SPTA1: variants seen among roughly 807,000 people sequenced by gnomAD.
SPTA1 encodes the protein spectrin alpha chain, erythrocytic 1.
Under a neutral mutation model 324.7 loss-of-function variants are expected in SPTA1, and 177 were observed. That is an observed-to-expected ratio of 0.55 (90% confidence interval 0.48 to 0.62). The LOEUF (loss-of-function observed/expected upper bound fraction) is 0.62, where lower values mean the gene tolerates loss of function less well. Among genes scored for constraint, SPTA1 ranks in the 20% least tolerant of loss-of-function variants. The pLI is 0.00. For synonymous variants in SPTA1, 1,195 were observed against 1,041.3 expected (o/e 1.15, Z -2.84); for missense variants, 3,162 against 2,883.6 (o/e 1.10, Z -2.21).
intron 39 of SPTA1, among the ~76,000 whole-genome samples, chr1:158,629,143 T>C (rs925275095): frequency 6.6e-6 from 1 of 151,046 alleles, no homozygotes; most frequent in East Asian, 1.9e-4. Flanking sequence ...AGATGATAGA[T>C]AGATAGATAG....
intron 23 of SPTA1, 116 bp from the exon 24 acceptor site, chr1:158,651,584 A>G: frequency 2.6e-6 from 2 of 761,624 alleles, no homozygotes; most frequent in Non-Finnish European, 4.8e-6. Flanking sequence ...ACCGTAATAC[A>G]CACCAAGCTC....
In SPTA1 at chr1:158,642,941, C is replaced by T. The variant is rs544007770; in HGVS notation, c.4478G>A (p.Arg1493Gln). 9.3e-6 allele frequency: 15 copies of T among 1,613,626 alleles called. No homozygotes were observed. Among genetic ancestry groups the T allele is most frequent in the Non-Finnish European group, 1.2e-5 (14 of 1,179,756 alleles). ...GTTGGCATAGTCTCCAAGCTTTGTCCGCTCATCAATCAGTTGTGCTTTGAG... is the reference window on the plus strand; with the variant it reads ...GTTGGCATAGTCTCCAAGCTTTGTCTGCTCATCAATCAGTTGTGCTTTGAG... ...KALKAQLIDE[R>Q]TKLGDYANLK... The change falls in exon 32 of 52, where the codon CGG becomes CAG. Residue 1493 changes from arginine to glutamine, a missense_variant. By Grantham distance (43) the Arg-to-Gln change is conservative. Coordinates refer to ENST00000643759, the MANE Select transcript of SPTA1 (RefSeq NM_003126.4).
At chr1:158,683,206 C>A (rs1371952863) in intron 3 of SPTA1, among the ~76,000 whole-genome samples, 165 bp downstream of exon 3, 1 of 152,092 alleles carries the variant, frequency 6.6e-6, no homozygotes, top group Non-Finnish European at 1.5e-5. Context: ...CCCCAAGAAA[C>A]ACGAAGATAT....
chr1:158,636,456 A>C (rs1651076166), intron 37 of SPTA1, among the ~76,000 whole-genome samples, 185 bp downstream of exon 37: 1 of 152,214 alleles, frequency 6.6e-6, no homozygotes, highest in Admixed American at 6.5e-5. Flanking sequence ...GTTCTTGTTC[A>C]GAACTCTTCT....
intron 39 of SPTA1, 91 bp downstream of exon 39, chr1:158,634,452 A>G: frequency 7.8e-6 from 12 of 1,537,894 alleles, no homozygotes; most frequent in Middle Eastern, 3.4e-4. Context: ...CACCAGAAAA[A>G]TGTCCTAATA....
chr1:158,648,040 G>A (rs1219419333), intron 26 of SPTA1, among the ~76,000 whole-genome samples: 1 of 152,100 alleles, frequency 6.6e-6, no homozygotes, highest in East Asian at 1.9e-4. Context: ...TTTTTGCTCT[G>A]CATGATAATG....
At chr1:158,682,491 T>C (rs575074214) in intron 3 of SPTA1, among the ~76,000 whole-genome samples, 2 of 152,340 alleles carry the variant, frequency 1.3e-5, no homozygotes, top group South Asian at 4.1e-4. Context: ...AAACAAGTTT[T>C]GAAATTTTCC....
Position 158,611,064 on chromosome 1 carries a change from C to T in SPTA1, c.*200G>A, listed in dbSNP as rs1049133463. The stretch of plus-strand genomic sequence containing the variant: ...CTTCCACTCCTCCAACTCTATTAAC[C>T]TTTCTATCTCCCACCCTTGAGATTT... On this transcript the variant is annotated 3_prime_UTR_variant, in exon 52 of 52. Coordinates refer to ENST00000643759, the MANE Select transcript of SPTA1 (RefSeq NM_003126.4). 29 of 689,938 alleles carry T rather than the reference C, an allele frequency of 4.2e-5. No homozygotes were observed. In the Admixed American group the frequency reaches 6.7e-4, roughly 16 times the overall value. 42.7% of individuals were successfully genotyped at this position (689,938 alleles called of 1,614,324 possible). A position where few individuals can be genotyped will look rare whatever the true frequency, so the allele number is the denominator to read the frequency against.
At chr1:158,635,732 C>T (rs188592994) in intron 38 of SPTA1, among the ~76,000 whole-genome samples, 181 bp downstream of exon 38, 24 of 152,260 alleles carry the variant, frequency 1.6e-4, no homozygotes, top group Non-Finnish European at 2.4e-4. Context: ...CAGTGATCAT[C>T]GTGTCTGGGG....
chr1:158,672,229 A>G (rs753280235), intron 10 of SPTA1, 33 bp from the exon 11 acceptor site: 32 of 1,580,910 alleles, frequency 2.0e-5, no homozygotes, highest in Admixed American at 5.2e-5. Flanking sequence ...TATATGGAAG[A>G]TAATTAATTT....
chr1:158,648,788 CATT>C (rs1334468075), intron 25 of SPTA1, 135 bp from the exon 26 acceptor site: 2 of 920,416 alleles, frequency 2.2e-6, no homozygotes, highest in Non-Finnish European at 3.3e-6. Context: ...CAATTATCAT[CATT>C]GTTTTTTATG....
chr1:158,669,873 A>G, intron 12 of SPTA1, 87 bp from the exon 13 acceptor site: 1 of 1,300,558 alleles, frequency 7.7e-7, no homozygotes, highest in Non-Finnish European at 1.1e-6. Flanking sequence ...TTAAAGATGA[A>G]GAACAGCAAT....
At chr1:158,626,603 C>T (rs374759406) in intron 41 of SPTA1, among the ~76,000 whole-genome samples, 10 of 152,196 alleles carry the variant, frequency 6.6e-5, no homozygotes, top group East Asian at 5.8e-4. Context: ...TCTGGAGTTA[C>T]GGTACATAAT....
intron 31 of SPTA1, 144 bp downstream of exon 31, chr1:158,643,178 G>T: frequency 8.2e-7 from 1 of 1,225,456 alleles, no homozygotes; most frequent in Non-Finnish European, 1.2e-6. Flanking sequence ...ATAAATCTAA[G>T]TCAGAAAGTC....
intron 6 of SPTA1, 76 bp downstream of exon 6, chr1:158,678,325 G>GA (rs1160646386): frequency 1.0e-5 from 16 of 1,590,418 alleles, no homozygotes; most frequent in Non-Finnish European, 1.4e-5. Context: ...AACAGAAGTA[G>GA]AAAGAGCCTA....
chr1:158,619,353 G>C lies in SPTA1; in HGVS notation c.6418-19C>G. 1 of 1,612,150 alleles carries C rather than the reference G, an allele frequency of 6.2e-7. No individual in the cohort carries two copies. On this transcript the variant is annotated intron_variant, in intron 44 of 51. Transcript: ENST00000643759. ...CCCGTTCCTAAAACCCCAAATCACA[G>C]ACAACGTGACTGACATCGAAGGCCT... is the stretch of plus-strand genomic sequence containing the variant.
chr1:158,636,879 G>C (rs1214192009), intron 36 of SPTA1, 118 bp from the exon 37 acceptor site: 18 of 1,571,822 alleles, frequency 1.1e-5, no homozygotes, highest in Non-Finnish European at 1.6e-5. Flanking sequence ...TGTAAATTCT[G>C]TAATACCCTG....
At chr1:158,625,049 A>T (rs989712590) in intron 42 of SPTA1, among the ~76,000 whole-genome samples, 8 of 152,246 alleles carry the variant, frequency 5.3e-5, no homozygotes, top group Non-Finnish European at 1.2e-4. Context: ...TGAGTTAATT[A>T]TAATACTTTA....
chr1:158,642,764 C>T (rs778576655), intron 32 of SPTA1, 50 bp downstream of exon 32: 1 of 1,613,428 alleles, frequency 6.2e-7, no homozygotes, highest in Non-Finnish European at 8.5e-7. Context: ...ACTATCCAAC[C>T]AACAAGCTCG....
Sources: gnomAD v4.1 joint callset for allele counts (sites outside exome capture counted in the v4.1 genomes callset) on GRCh38, gnomAD v4.1.1 for gene constraint, MANE v1.5 for transcripts, NCBI Gene and HGNC (gene_info 2026-07-23, HGNC 2026-07-21) for gene names.